SHKBP1: variants seen among roughly 807,000 people sequenced by gnomAD.
The protein encoded by SHKBP1 is SH3KBP1-binding protein 1.
A neutral mutation model predicts 83.9 loss-of-function variants in SHKBP1; 71 were observed. That is an observed-to-expected ratio of 0.85 (90% confidence interval 0.70 to 1.03). The LOEUF (loss-of-function observed/expected upper bound fraction) is 1.03, where lower values mean the gene tolerates loss of function less well. Among genes scored for constraint, SHKBP1 ranks in the 50% least tolerant of loss-of-function variants. The pLI is 0.00. For synonymous variants in SHKBP1, 371 were observed against 398.0 expected, an observed-to-expected ratio of 0.93 and a Z score of 0.81; for missense variants, 824 against 982.4, an observed-to-expected ratio of 0.84 and a Z score of 2.16.
intron 10 of SHKBP1, 53 bp from the exon 11 acceptor site, chr19:40,583,345 A>G: frequency 6.9e-7 from 1 of 1,457,520 alleles, no homozygotes; most frequent in Non-Finnish European, 9.3e-7. Flanking sequence ...GTCACCACGG[A>G]AGGAAAGGAA....
intron 10 of SHKBP1, among the ~76,000 whole-genome samples, chr19:40,582,738 G>C (rs1175900623): frequency 6.6e-6 from 1 of 151,862 alleles, no homozygotes; most frequent in Non-Finnish European, 1.5e-5. Flanking sequence ...GAGAGAGCAG[G>C]TTAGGGGGGA....
intron 12 of SHKBP1, chr19:40,586,555 CAG>C (rs2081313607): frequency 2.6e-6 from 1 of 386,920 alleles, no homozygotes; most frequent in South Asian, 8.5e-5. Context: ...TTACTAGAGA[CAG>C]GGTTTCAGCA....
chr19:40,585,004 T>C (rs1036293648), intron 12 of SHKBP1, among the ~76,000 whole-genome samples: 1 of 152,230 alleles, frequency 6.6e-6, no homozygotes, highest in African/African-American at 2.4e-5. Flanking sequence ...GTTACAAAGA[T>C]CTTCTCCTGA....
chr19:40,580,881 C>T lies in SHKBP1; in HGVS notation c.789C>T (p.Thr263=), dbSNP rs764175012. 20 of 1,610,878 alleles carry T rather than the reference C, an allele frequency of 1.2e-5. No homozygotes were observed. Among genetic ancestry groups the T allele is most frequent in the Admixed American group, 6.7e-5 (4 of 59,564 alleles). Residue 263 remains threonine (T), a synonymous_variant, in exon 9 of 18, where the codon ACC becomes ACT. Transcript: ENST00000291842. ...GEHDKMVAAA[T]GSEILLWALQ... ...ATGACAAGATGGTGGCAGCAGCCAC[C>T]GGCAGCGAGATCCTGCTATGGGCTC...
intron 8 of SHKBP1, 34 bp downstream of exon 8, chr19:40,580,690 C>G: frequency 6.2e-7 from 1 of 1,613,766 alleles, no homozygotes. Flanking sequence ...AGGTCCCAGC[C>G]CTGTTGATGG....
intron 10 of SHKBP1, 130 bp downstream of exon 10, chr19:40,582,596 C>T (rs1325692238): frequency 1.4e-6 from 1 of 735,164 alleles, no homozygotes; most frequent in Non-Finnish European, 2.2e-6. Context: ...AGCAGCTGGC[C>T]AGAGCCTGGG....
At chr19:40,587,359 G>A (rs1375054828) in intron 13 of SHKBP1, among the ~76,000 whole-genome samples, 3 of 152,222 alleles carry the variant, frequency 2.0e-5, no homozygotes, top group Non-Finnish European at 4.4e-5. Context: ...GGAGGCCAAG[G>A]CGGGTAGATT....
rs561541450 is a variant in SHKBP1, at chr19:40,578,685, G to A, written c.400+143G>A. ...TTCCCTATCAGATGCTTGGGCTGAT[G>A]CTTGGAAAGGAAGTTGGACACAGCA... is the stretch of plus-strand genomic sequence containing the variant. On this transcript the variant is annotated intron_variant, in intron 6 of 17. Transcript: ENST00000291842. The A allele has an allele frequency of 7.9e-5, 58 of 730,540 alleles. 1 individual carries two copies. The African/African-American group carries it at 1.0e-3, about 13-fold the overall frequency. 45.3% of individuals were successfully genotyped at this position (730,540 alleles called of 1,614,324 possible).
chr19:40,583,381 T>G lies in SHKBP1; in HGVS notation c.961-17T>G. 3 of 1,558,684 alleles carry G rather than the reference T, an allele frequency of 1.9e-6. No individual in the cohort carries two copies. The highest frequency in any genetic ancestry group is 2.6e-6 in the Non-Finnish European group (3 of 1,150,398). ...TGGAAGGGCTCCCGGCTGCAGCCTG[T>G]CCTGCCCCACCCCCAGGTCCAGGAG... On this transcript the variant is annotated splice_polypyrimidine_tract_variant and intron_variant, in intron 10 of 17. Transcript: ENST00000291842.
intron 12 of SHKBP1, 123 bp from the exon 13 acceptor site, chr19:40,586,651 C>A: frequency 1.0e-6 from 1 of 988,252 alleles, no homozygotes; most frequent in Non-Finnish European, 1.4e-6. Context: ...ACGGCGTGAG[C>A]CACCGTGCCC....
intron 1 of SHKBP1, 63 bp from the exon 2 acceptor site, chr19:40,577,168 A>AG (rs2081221777): frequency 6.3e-7 from 1 of 1,581,554 alleles, no homozygotes; most frequent in African/African-American, 1.4e-5. Context: ...ATCCTGCGGG[A>AG]GGGGGACGCA....
rs764378324 is a variant in SHKBP1, at chr19:40,580,385, G to A, written c.462G>A (p.Arg154=). ...SLVGPQQLGG[R]PAPVRRSNTM... is the part of the protein sequence containing the mutation. Reference sequence around the variant, plus strand: ...TGGGGCCTCAGCAGCTAGGAGGACGGCCAGCCCCTGTCCGACGGAGCAACA... The same window carrying A: ...TGGGGCCTCAGCAGCTAGGAGGACGACCAGCCCCTGTCCGACGGAGCAACA... Residue 154 remains arginine, a synonymous_variant, in exon 7 of 18, where the codon CGG becomes CGA. Coordinates refer to ENST00000291842, the MANE Select transcript of SHKBP1 (RefSeq NM_138392.4). 2.5e-6 allele frequency: 4 copies of A among 1,614,106 alleles called. No individual in the cohort carries two copies. The highest frequency in any genetic ancestry group is 1.7e-5 in the Admixed American group (1 of 60,004).
Position 40,591,265 on chromosome 19 carries a change from C to T in SHKBP1, c.*58C>T. The T allele has an allele frequency of 6.9e-7, 1 of 1,442,750 alleles. No individual in the cohort carries two copies. Among genetic ancestry groups the T allele is most frequent in the Non-Finnish European group, 9.3e-7 (1 of 1,072,832 alleles). The allele number at this position is 1,442,750 out of a possible 1,614,324, so 89.4% of individuals were successfully genotyped here. ...CTGGTCCTGGGGGACTCAGGTGCCT[C>T]CCTGATTCCTGTGGGAACCCCGGGT... On this transcript the variant is annotated 3_prime_UTR_variant, in exon 18 of 18. Transcript: ENST00000291842.
At chr19:40,585,447 A>G (rs1269313725) in intron 12 of SHKBP1, 2 of 151,560 alleles carry the variant, frequency 1.3e-5, no homozygotes, top group East Asian at 1.9e-4. Flanking sequence ...TAAAGCAGAA[A>G]TAAGTTAATA....
chr19:40,587,827 C>T (rs1032984679), intron 13 of SHKBP1, among the ~76,000 whole-genome samples: 10 of 152,014 alleles, frequency 6.6e-5, no homozygotes, highest in South Asian at 4.2e-4. Context: ...TCACTTGAGC[C>T]CAAGAGTCAG....
intron 12 of SHKBP1, 59 bp from the exon 13 acceptor site, chr19:40,586,715 C>A: frequency 7.0e-7 from 1 of 1,425,754 alleles, no homozygotes; most frequent in South Asian, 1.5e-5. Flanking sequence ...TTCTTTCTCC[C>A]TGCCCTGGTT....
chr19:40,585,127 G>C (rs1460539926), intron 12 of SHKBP1, among the ~76,000 whole-genome samples: 1 of 152,052 alleles, frequency 6.6e-6, no homozygotes, highest in African/African-American at 2.4e-5. Flanking sequence ...AAAAAATAGA[G>C]ACAGGGTCTT....
chr19:40,578,649 G>A (rs1384739404), intron 6 of SHKBP1, 107 bp downstream of exon 6: 2 of 963,168 alleles, frequency 2.1e-6, no homozygotes, highest in African/African-American at 1.6e-5. Context: ...GAGATACAGT[G>A]GGAGGTGTAG....
rs556848956 is a variant in SHKBP1 at position 40,577,172 on chromosome 19, G to A, written c.87-59G>A. 1.7e-5 allele frequency: 27 copies of A among 1,595,616 alleles called. No homozygotes were observed. In the South Asian group the frequency reaches 2.9e-4, roughly 17 times the overall value. On this transcript the variant is annotated intron_variant, in intron 1 of 17. Transcript: ENST00000291842. ...GGGAACCCTGGATCCTGCGGGAGGG[G>A]GACGCATTCCTCACCCGCTCCTCTT...
Sources: gnomAD v4.1 joint callset for allele counts (sites outside exome capture counted in the v4.1 genomes callset) on GRCh38, gnomAD v4.1.1 for gene constraint, MANE v1.5 for transcripts, NCBI Gene and HGNC (gene_info 2026-07-23, HGNC 2026-07-21) for gene names.